ANO3: variants seen among roughly 807,000 people sequenced by gnomAD.
The protein encoded by ANO3 is anoctamin-3.
ANO3 carries 99 observed loss-of-function variants against 144.8 expected under a neutral mutation model. The observed-to-expected ratio is 0.68, with a 90% CI of 0.58 to 0.81. The LOEUF (loss-of-function observed/expected upper bound fraction) is 0.81. Among genes scored for constraint, ANO3 ranks in the 30% least tolerant of loss-of-function variants. The probability of loss-of-function intolerance (pLI) is 0.00; values close to 1 mark genes in which losing one functional copy is unlikely to be tolerated. For synonymous variants in ANO3, 414 were observed against 392.6 expected (o/e 1.05, Z -0.64); for missense variants, 905 against 1,202.2 (o/e 0.75, Z 3.66).
At chr11:26,462,919 A>G (rs940765463) in intron 3 of ANO3, 111 bp from the exon 4 acceptor site, 4 of 449,880 alleles carry the variant, frequency 8.9e-6, no homozygotes, top group Admixed American at 8.4e-5. Flanking sequence ...ATTTTCTAGT[A>G]TATATATAGG....
chr11:26,615,575 A>G (rs1852234899), intron 17 of ANO3, among the ~76,000 whole-genome samples: 1 of 152,084 alleles, frequency 6.6e-6, no homozygotes, highest in South Asian at 2.1e-4. Flanking sequence ...ACATAAAAAT[A>G]ACACATAGGG....
At chr11:26,631,904 G>A (rs1852792749) in intron 18 of ANO3, among the ~76,000 whole-genome samples, 1 of 152,108 alleles carries the variant, frequency 6.6e-6, no homozygotes, top group Admixed American at 6.6e-5. Context: ...TTTAGACCGG[G>A]CATGGTGGTT....
intron 1 of ANO3, among the ~76,000 whole-genome samples, chr11:26,218,876 A>G (rs1338170506): frequency 6.6e-6 from 1 of 152,246 alleles, no homozygotes; most frequent in Non-Finnish European, 1.5e-5. Context: ...AGTTTCAGTC[A>G]TCATTTGAAA....
At chr11:26,344,664 C>G (rs1337284050) in intron 1 of ANO3, among the ~76,000 whole-genome samples, 4 of 152,028 alleles carry the variant, frequency 2.6e-5, no homozygotes, top group African/African-American at 9.7e-5. Context: ...CCCGCCCCAC[C>G]AAAATATTGT....
chr11:26,190,103 C>T (rs1851447083), intron 1 of ANO3, among the ~76,000 whole-genome samples: 2 of 152,086 alleles, frequency 1.3e-5, no homozygotes, highest in African/African-American at 4.8e-5. Flanking sequence ...TTTGTTTATC[C>T]TTCCTTATAA....
chr11:26,220,874 CA>C (rs1242176356), intron 1 of ANO3, among the ~76,000 whole-genome samples: 4 of 152,148 alleles, frequency 2.6e-5, no homozygotes, highest in Admixed American at 2.0e-4. Context: ...CATCAGCTTT[CA>C]AAGGCATGAC....
In ANO3 at chr11:26,647,719, T is replaced by G. The variant is rs570042455; in HGVS notation, c.2439T>G (p.Leu813=). The change falls in exon 24 of 27, where the codon CTT becomes CTG. Residue 813 remains leucine (L), a synonymous_variant. Coordinates refer to ENST00000256737, the MANE Select transcript of ANO3 (RefSeq NM_031418.4). ...TCTTTCTCTTACCAGGTATCTGGCT[T>G]GGAATTCTCGAAGGAATCGGTATAT... ...PARATDIGIW[L]GILEGIGILA... is the part of the protein sequence containing the mutation. 4.9e-5 allele frequency: 79 copies of G among 1,604,582 alleles called. No individual in the cohort carries two copies. The East Asian group carries it at 1.5e-3, about 31-fold the overall frequency.
At chr11:26,594,280 G>T (rs1051006604) in intron 14 of ANO3, among the ~76,000 whole-genome samples, 2 of 152,156 alleles carry the variant, frequency 1.3e-5, no homozygotes, top group Non-Finnish European at 2.9e-5. Flanking sequence ...GCTGGCCTGT[G>T]GGGAATCATT....
chr11:26,442,216 C>A lies in ANO3; in HGVS notation c.241+104C>A, dbSNP rs1385593632. On this transcript the variant is annotated intron_variant, in intron 2 of 26. Coordinates refer to ENST00000256737, the MANE Select transcript of ANO3 (RefSeq NM_031418.4). Reference sequence around the variant, plus strand: ...ATTGGACCAGTTTTATAGAGCTCTTCAGGAAGGAGGCTGGCATAGAAAGGA... The same window carrying A: ...ATTGGACCAGTTTTATAGAGCTCTTAAGGAAGGAGGCTGGCATAGAAAGGA... The A allele has an allele frequency of 1.5e-5, 17 of 1,131,858 alleles. No homozygotes were observed. The East Asian group carries it at 4.0e-4, about 27-fold the overall frequency. 70.1% of individuals were successfully genotyped at this position (1,131,858 alleles called of 1,614,324 possible).
intron 1 of ANO3, among the ~76,000 whole-genome samples, chr11:26,243,661 A>C (rs1852713896): frequency 6.6e-6 from 1 of 152,192 alleles, no homozygotes; most frequent in Non-Finnish European, 1.5e-5. Context: ...ATTTTCATGG[A>C]GATACAATAA....
At chr11:26,358,732 G>A (rs1407986573) in intron 1 of ANO3, among the ~76,000 whole-genome samples, 1 of 151,972 alleles carries the variant, frequency 6.6e-6, no homozygotes, top group East Asian at 1.9e-4. Context: ...GGTTACACAT[G>A]TATTAAGCTA....
intron 14 of ANO3, among the ~76,000 whole-genome samples, chr11:26,580,829 A>T (rs1851109425): frequency 6.6e-6 from 1 of 152,200 alleles, no homozygotes; most frequent in Non-Finnish European, 1.5e-5. Context: ...CTTAGTAGAA[A>T]TGTTTATTTA....
rs77397516 is a variant in ANO3, at chr11:26,511,906, A to C, written c.591+3644A>C. On this transcript the variant is annotated intron_variant, in intron 5 of 26. Transcript: ENST00000256737. ...AGGAATATTTTTCAATACCAGAAAA[A>C]AACAGGGTACTAAATGAGGTTGGAA... Among the ~76,000 whole-genome samples the C allele has an allele frequency of 4.0e-3, 616 of 152,312 alleles. 4 individuals carry two copies. The highest frequency in any genetic ancestry group is 0.014 in the African/African-American group (594 of 41,562).
At chr11:26,277,262 G>A (rs1403167987) in intron 1 of ANO3, among the ~76,000 whole-genome samples, 3 of 151,932 alleles carry the variant, frequency 2.0e-5, no homozygotes, top group Non-Finnish European at 4.4e-5. Flanking sequence ...TTAGTGAAAG[G>A]CTAAACATTA....
At chr11:26,491,929 A>T (rs972565939) in intron 4 of ANO3, among the ~76,000 whole-genome samples, 1 of 152,254 alleles carries the variant, frequency 6.6e-6, no homozygotes, top group East Asian at 1.9e-4. Flanking sequence ...TATGCTAAGG[A>T]AACTTAATTT....
chr11:26,190,505 C>T (rs1851453945), intron 1 of ANO3, among the ~76,000 whole-genome samples: 1 of 151,994 alleles, frequency 6.6e-6, no homozygotes, highest in African/African-American at 2.4e-5. Context: ...TAATTTTTTA[C>T]AGATGTACAT....
At chr11:26,610,062 C>T (rs1852050866) in intron 17 of ANO3, among the ~76,000 whole-genome samples, 1 of 152,198 alleles carries the variant, frequency 6.6e-6, no homozygotes, top group Non-Finnish European at 1.5e-5. Context: ...CAGGCGTGTG[C>T]CACCGCACCC....
At chr11:26,454,971 A>G (rs1453676129) in intron 3 of ANO3, among the ~76,000 whole-genome samples, 4 of 147,518 alleles carry the variant, frequency 2.7e-5, no homozygotes, top group Non-Finnish European at 4.5e-5. Context: ...AAAGACAAAA[A>G]CCACATGATT....
upstream of ANO3, among the ~76,000 whole-genome samples, chr11:26,330,554 A>C (rs891653254): frequency 1.3e-5 from 2 of 152,204 alleles, no homozygotes; most frequent in Admixed American, 6.5e-5. Context: ...TCCCACTGAG[A>C]GTAGAATCCA....
Sources: allele counts gnomAD v4.1 joint callset (sites outside exome capture counted in the v4.1 genomes callset), GRCh38; gene constraint gnomAD v4.1.1; transcripts MANE v1.5; gene names NCBI Gene and HGNC (gene_info 2026-07-23, HGNC 2026-07-21).